TTC7B: variants seen among roughly 807,000 people sequenced by gnomAD.
TTC7B encodes the protein tetratricopeptide repeat domain 7B.
TTC7B carries 28 observed loss-of-function variants against 106.8 expected under a neutral mutation model. The ratio of observed to expected loss-of-function variants is 0.26; its 90% confidence interval spans 0.19 to 0.36. The LOEUF is 0.36. TTC7B is among the 10% of genes least tolerant of loss of function. The pLI, the probability that TTC7B is intolerant of heterozygous loss-of-function variation, is 1.00. For missense variants in TTC7B, 862 were observed against 1,076.4 expected, an observed-to-expected ratio of 0.80 and a Z score of 2.79; for synonymous variants, 405 against 430.6, an observed-to-expected ratio of 0.94 and a Z score of 0.74.
intron 19 of TTC7B, among the ~76,000 whole-genome samples, chr14:90,554,327 G>C (rs982667380): frequency 6.6e-6 from 1 of 152,214 alleles, no homozygotes; most frequent in Non-Finnish European, 1.5e-5. Context: ...CAAAGGACCA[G>C]CCATCCTATT....
chr14:90,652,893 A>G lies in TTC7B; in HGVS notation c.1465T>C (p.Leu489=). Residue 489 remains leucine, a synonymous_variant, in exon 13 of 20, where the codon TTG becomes CTG. Transcript: ENST00000328459. ...TGTAGGACCTCCTGCATCCCTCGCA[A>G]AGAAGCTAAGAAAAGGGTTCAATTA... ...TYSLQATDAS[L]RGMQEVLQRK... is the part of the protein sequence containing the mutation. The G allele has an allele frequency of 6.2e-7, 1 of 1,614,210 alleles. No individual in the cohort carries two copies. Among genetic ancestry groups the G allele is most frequent in the Non-Finnish European group, 8.5e-7 (1 of 1,180,036 alleles).
chr14:90,546,746 A>G (rs1449470093), intron 19 of TTC7B, among the ~76,000 whole-genome samples: 2 of 152,164 alleles, frequency 1.3e-5, no homozygotes, highest in Non-Finnish European at 2.9e-5. Flanking sequence ...CCCCATATCA[A>G]ACCCAACAAA....
intron 15 of TTC7B, among the ~76,000 whole-genome samples, chr14:90,630,022 G>T (rs910784688): frequency 2.0e-5 from 3 of 152,114 alleles, no homozygotes; most frequent in African/African-American, 7.2e-5. Context: ...TGGGGGGAGG[G>T]GTTTGGGCCA....
chr14:90,609,180 A>G (rs115936397), intron 17 of TTC7B, among the ~76,000 whole-genome samples: 1 of 152,296 alleles, frequency 6.6e-6, no homozygotes, highest in African/African-American at 2.4e-5. Flanking sequence ...TGTGCAGTCT[A>G]AGCCCACCAA....
Position 90,657,254 on chromosome 14 carries a change from T to C in TTC7B, c.1261A>G (p.Lys421Glu). ...TCTGGCTTCAGGCGGATACACTCTT[T>C]CAGCACCTTCACGGCACGGGCAGAC... ...GKSARAVKVL[K>E]ECIRLKPDDA... The change falls in exon 11 of 20, where the codon AAA (lysine) becomes GAA (glutamate). Residue 421 changes from lysine to glutamate, a missense_variant. By Grantham distance (56) the Lys-to-Glu change is moderately conservative. Transcript: ENST00000328459. The surrounding 1 kb of genome is among the most constrained non-coding windows in gnomAD (Gnocchi z 4.2). The C allele has an allele frequency of 6.2e-7, 1 of 1,614,028 alleles. No homozygotes were observed. The highest frequency in any genetic ancestry group is 8.5e-7 in the Non-Finnish European group (1 of 1,180,030).
intron 18 of TTC7B, among the ~76,000 whole-genome samples, chr14:90,591,219 T>C (rs549981346): frequency 6.6e-6 from 1 of 152,246 alleles, no homozygotes; most frequent in East Asian, 1.9e-4. Context: ...CAGGCACCTG[T>C]AATCCCAGCT....
intron 5 of TTC7B, among the ~76,000 whole-genome samples, chr14:90,719,533 C>T (rs750027520): frequency 8.5e-5 from 13 of 152,102 alleles, no homozygotes; most frequent in Non-Finnish European, 1.9e-4. Flanking sequence ...AGACGTGGGG[C>T]CTGAGATGTT....
rs759350408 is a variant in TTC7B, at chr14:90,816,148, G to A, written c.121+27C>T. 8.2e-5 allele frequency: 97 copies of A among 1,184,750 alleles called. No individual in the cohort carries two copies. The Middle Eastern group carries it at 1.4e-3, about 17-fold the overall frequency. The allele number at this position is 1,184,750 out of a possible 1,614,324, so 73.4% of individuals were successfully genotyped here. ...CGCGGAGGCCGCGGCGCCCCCCGCA[G>A]CCCAGGCCGGCGCGCCCGGAGCGTA... is the stretch of plus-strand genomic sequence containing the variant. On this transcript the variant is annotated intron_variant, in intron 1 of 19. Transcript: ENST00000328459.
chr14:90,683,062 A>G (rs1937882926), intron 7 of TTC7B, among the ~76,000 whole-genome samples: 1 of 152,226 alleles, frequency 6.6e-6, no homozygotes, highest in Non-Finnish European at 1.5e-5. Flanking sequence ...CTTTACCTTA[A>G]TGGTAGACAC....
intron 1 of TTC7B, among the ~76,000 whole-genome samples, chr14:90,795,289 G>A (rs1018597132): frequency 2.0e-5 from 3 of 152,198 alleles, no homozygotes; most frequent in Admixed American, 2.0e-4. Flanking sequence ...ACCCGTGAGA[G>A]CTGGGTAACA....
At chr14:90,612,477 C>A (rs1178796375) in intron 16 of TTC7B, among the ~76,000 whole-genome samples, 1 of 152,184 alleles carries the variant, frequency 6.6e-6, no homozygotes, top group Non-Finnish European at 1.5e-5. Context: ...GATTCCAAGA[C>A]ACACGATGAG....
intron 3 of TTC7B, among the ~76,000 whole-genome samples, chr14:90,771,797 CGT>C (rs988750683): frequency 3.3e-5 from 5 of 150,168 alleles, no homozygotes; most frequent in Admixed American, 1.3e-4. Context: ...TGTGTGTGCA[CGT>C]GTGTGTGTGT....
In TTC7B at chr14:90,730,142, C is replaced by A. The variant is rs755396447; in HGVS notation, c.631G>T (p.Asp211Tyr). Residue 211 changes from aspartate to tyrosine, a missense_variant, in exon 5 of 20, where the codon GAT becomes TAT. By Grantham distance (160) the Asp-to-Tyr change is radical. Coordinates refer to ENST00000328459, the MANE Select transcript of TTC7B (RefSeq NM_001010854.2). ...RSPKPGPAPH[D>Y]QELGFFLETG... ...TCTAGGAAAAAACCTAGTTCTTGAT[C>A]GTGGGGAGCAGGGCCAGGCTTAGGG... The A allele has an allele frequency of 6.2e-7, 1 of 1,613,736 alleles. No homozygotes were observed. The highest frequency in any genetic ancestry group is 8.5e-7 in the Non-Finnish European group (1 of 1,179,872).
rs1566758961 is a variant in TTC7B at position 90,541,270 on chromosome 14, AG to A, written c.*97del. On this transcript the variant is annotated 3_prime_UTR_variant, in exon 20 of 20. Coordinates refer to ENST00000328459, the MANE Select transcript of TTC7B (RefSeq NM_001010854.2). The stretch of plus-strand genomic sequence containing the variant: ...CCACTGAACACTCGTCCCTGGCCTC[AG>A]TGTGGCAGATTCATCCCCTTGGGGC... The A allele has an allele frequency of 2.6e-5, 30 of 1,143,152 alleles. No homozygotes were observed. Among genetic ancestry groups the A allele is most frequent in the Non-Finnish European group, 3.5e-5 (29 of 820,720 alleles). The allele number at this position is 1,143,152 out of a possible 1,614,324, so 70.8% of individuals were successfully genotyped here.
rs974053438 is a variant in TTC7B, at chr14:90,532,645, A to G, written c.*8723T>C. The G allele has an allele frequency of 6.6e-6, 1 of 152,152 alleles. No individual in the cohort carries two copies. Among genetic ancestry groups the G allele is most frequent in the East Asian group, 1.9e-4 (1 of 5,196 alleles). 9.4% of individuals were successfully genotyped at this position (152,152 alleles called of 1,614,324 possible). ...GCTCTAATCATCTGCCAAGCTGGTA[A>G]TTATCTTATTTGTTTACCCCTCTGT... is the stretch of plus-strand genomic sequence containing the variant. On this transcript the variant is annotated 3_prime_UTR_variant, in exon 20 of 20. Coordinates refer to ENST00000328459, the MANE Select transcript of TTC7B (RefSeq NM_001010854.2).
At position 90,625,859 on chromosome 14, in the gene TTC7B, G is replaced by GTGC. The variant is rs2139858668; in HGVS notation, c.1752-7817_1752-7815dup. 1.3e-5 allele frequency among the ~76,000 whole-genome samples: 2 copies of GTGC among 152,352 alleles called. 1 individual carries two copies. The highest frequency in any genetic ancestry group is 4.1e-4 in the South Asian group (2 of 4,830). ...TGGCTTACCCAATTGCTGCATTGATGTGCTATTCATTGGGGTTCATTAGAA... is the reference window on the plus strand; with the variant it reads ...TGGCTTACCCAATTGCTGCATTGATGTGCTGCTATTCATTGGGGTTCATTAGAA... On this transcript the variant is annotated intron_variant, in intron 15 of 19. Coordinates refer to ENST00000328459, the MANE Select transcript of TTC7B (RefSeq NM_001010854.2).
intron 8 of TTC7B, among the ~76,000 whole-genome samples, chr14:90,679,837 A>G (rs1886982074): frequency 1.3e-5 from 2 of 152,260 alleles, no homozygotes; most frequent in Admixed American, 1.3e-4. Context: ...CTAAAATTCT[A>G]TATTCTGGCC....
rs770606448 is a variant in TTC7B, at chr14:90,786,182, TCCCTCGGTC to T, written c.259_267del (p.Asp87_Gly89del). On this transcript the variant is annotated inframe_deletion, in exon 2 of 20. Coordinates refer to ENST00000328459, the MANE Select transcript of TTC7B (RefSeq NM_001010854.2). ...CCAGAGGCCCATGGTACCTTAAGGT[TCCCTCGGTC>T]CAGGGCGGCGGTCAGATGCTTGCGG... is the stretch of plus-strand genomic sequence containing the variant. 20 of 1,550,632 alleles carry T rather than the reference TCCCTCGGTC, an allele frequency of 1.3e-5. No homozygotes were observed. Among genetic ancestry groups the T allele is most frequent in the Non-Finnish European group, 1.7e-5 (20 of 1,152,002 alleles).
rs1478206067 is a variant in TTC7B at position 90,652,826 on chromosome 14, T to G, written c.1517+15A>C. On this transcript the variant is annotated intron_variant, in intron 13 of 19. Transcript: ENST00000328459. ...CATTATGTACAGCCGAGTGAAAAGA[T>G]GAACTCCCACTCACCTCTGAAATGC... 18 of 1,613,842 alleles carry G rather than the reference T, an allele frequency of 1.1e-5. No individual in the cohort carries two copies. The highest frequency in any genetic ancestry group is 1.4e-5 in the Non-Finnish European group (17 of 1,179,692).
Sources: allele counts gnomAD v4.1 joint callset (sites outside exome capture counted in the v4.1 genomes callset), GRCh38; gene constraint gnomAD v4.1.1; non-coding constraint Gnocchi (gnomAD v3.1); transcripts MANE v1.5; gene names NCBI Gene and HGNC (gene_info 2026-07-23, HGNC 2026-07-21).